ZNF43: variants seen among roughly 807,000 people sequenced by gnomAD.
The protein encoded by ZNF43 is zinc finger protein 43.
ZNF43 carries 44 observed loss-of-function variants against 68.4 expected under a neutral mutation model. That is an observed-to-expected ratio of 0.64 (90% CI 0.51 to 0.83). ZNF43 has a LOEUF of 0.83. Among genes scored for constraint, ZNF43 ranks in the 40% least tolerant of loss-of-function variants. The pLI is 0.00. For missense variants in ZNF43, 896 were observed against 933.2 expected, an observed-to-expected ratio of 0.96 and a Z score of 0.52; for synonymous variants, 308 against 307.8, an observed-to-expected ratio of 1.00 and a Z score of -0.01.
intron 3 of ZNF43, among the ~76,000 whole-genome samples, chr19:21,815,388 T>C (rs1195689714): frequency 1.3e-5 from 2 of 151,604 alleles, no homozygotes; most frequent in East Asian, 3.9e-4. Flanking sequence ...AAAGAAACTA[T>C]AGATAATTTT....
rs575206868 is a variant in ZNF43, at chr19:21,820,743, A to C, written c.4-1522T>G. On this transcript the variant is annotated intron_variant, in intron 1 of 3. Transcript: ENST00000354959. ...GCATCACTGCTGTGATATTGCCCCC[A>C]AAAAGTAAATTATAATCTAAATTTA... Among the ~76,000 whole-genome samples, 248 of 148,674 alleles carry C rather than the reference A, an allele frequency of 1.7e-3. 2 individuals carry two copies. The highest frequency in any genetic ancestry group is 5.4e-3 in the African/African-American group (219 of 40,450).
At chr19:21,814,503 G>T (rs1029781813) in intron 3 of ZNF43, among the ~76,000 whole-genome samples, 2 of 151,526 alleles carry the variant, frequency 1.3e-5, no homozygotes, top group Admixed American at 6.6e-5. Flanking sequence ...TCCACTTCCC[G>T]GGTTTGAGCG....
intron 2 of ZNF43, among the ~76,000 whole-genome samples, chr19:21,818,712 G>A (rs541281521): frequency 4.5e-4 from 68 of 152,254 alleles, no homozygotes; most frequent in African/African-American, 1.5e-3. Context: ...AAGCCACCAT[G>A]CCTGGCCTTT....
chr19:21,842,480 G>A (rs1416114135), intron 1 of ZNF43, among the ~76,000 whole-genome samples: 1 of 150,764 alleles, frequency 6.6e-6, no homozygotes, highest in Admixed American at 6.6e-5. Flanking sequence ...GTAGACGAGG[G>A]TCACATCACC....
At chr19:21,834,194 T>C (rs2038569522) in intron 1 of ZNF43, among the ~76,000 whole-genome samples, 1 of 150,828 alleles carries the variant, frequency 6.6e-6, no homozygotes, top group South Asian at 2.1e-4. Context: ...AAAAATTAGC[T>C]GGGAATGGTG....
At chr19:21,844,694 G>A (rs985764750) in intron 1 of ZNF43, among the ~76,000 whole-genome samples, 101 of 151,096 alleles carry the variant, frequency 6.7e-4, no homozygotes, top group African/African-American at 2.4e-3. Context: ...TCAGGAGATC[G>A]AGACCATCCT....
Position 21,808,055 on chromosome 19 carries a change from C to T in ZNF43, c.1982G>A (p.Trp661Ter), listed in dbSNP as rs2037045336. 6.3e-7 allele frequency: 1 copy of T among 1,592,834 alleles called. No individual in the cohort carries two copies. The highest frequency in any genetic ancestry group is 1.5e-5 in the African/African-American group (1 of 68,440). ...KCEECGKAFK[W>*]SSTLTKHKII... ...CTTATGTTTAGTAAGGGTTGAGGAC[C>T]ACTTAAAGGCTTTGCCACATTCTTC... Residue 661 changes from tryptophan (W) to a stop codon, truncating the protein, a stop_gained, in exon 4 of 4, where the codon TGG becomes TAG. Transcript: ENST00000354959. LOFTEE classifies it high-confidence loss of function.
At chr19:21,817,223 T>TAA (rs571622011) in intron 3 of ZNF43, among the ~76,000 whole-genome samples, 20 of 135,494 alleles carry the variant, frequency 1.5e-4, no homozygotes, top group African/African-American at 4.8e-4. Context: ...CCTCTGTCTT[T>TAA]AAAAAAAAAA....
intron 1 of ZNF43, among the ~76,000 whole-genome samples, chr19:21,823,110 T>TA (rs2037935496): frequency 6.6e-6 from 1 of 152,172 alleles, no homozygotes; most frequent in Non-Finnish European, 1.5e-5. Context: ...GTCAGAACAA[T>TA]ACAAAGAAAG....
At chr19:21,813,237 C>A (rs1289124762) in intron 3 of ZNF43, among the ~76,000 whole-genome samples, 2 of 149,324 alleles carry the variant, frequency 1.3e-5, no homozygotes, top group Admixed American at 6.7e-5. Flanking sequence ...GAGTGAAACT[C>A]TGTCTCCAAA....
At chr19:21,839,331 C>CAAAAAAAAAAAAAAAAAAAAAAAAAAAAA (rs61335194), upstream of ZNF43, among the ~76,000 whole-genome samples, 4 of 28,296 alleles carry the variant, frequency 1.4e-4, 1 homozygote, top group Admixed American at 4.8e-4. Flanking sequence ...AGAGATCAGG[C>CAAAAAAAAAAAAAAAAAAAAAAAAAAAAA]AAAAAAAAAA....
At chr19:21,851,969 A>G (rs753903958) in exon 1 of ZNF43, 21 of 1,537,388 alleles carry the variant, frequency 1.4e-5, no homozygotes, top group Non-Finnish European at 1.8e-5. Context: ...TGCAGATCAC[A>G]GGGTAACGGA....
At chr19:21,813,490 A>C (rs182895846) in intron 3 of ZNF43, among the ~76,000 whole-genome samples, 3 of 152,290 alleles carry the variant, frequency 2.0e-5, no homozygotes, top group Non-Finnish European at 4.4e-5. Context: ...TCAGCCTTCA[A>C]ATAGAAAATC....
intron 1 of ZNF43, among the ~76,000 whole-genome samples, chr19:21,822,730 A>G (rs1226112686): frequency 1.3e-5 from 2 of 152,040 alleles, no homozygotes; most frequent in Non-Finnish European, 2.9e-5. Context: ...ACGTGAACCC[A>G]GGAGGCGGAG....
chr19:21,830,487 C>T (rs2038371532), intron 1 of ZNF43, among the ~76,000 whole-genome samples: 1 of 150,984 alleles, frequency 6.6e-6, no homozygotes, highest in African/African-American at 2.4e-5. Context: ...GTAACGAACA[C>T]CTCTATGTAA....
Position 21,808,041 on chromosome 19 carries a change from T to C in ZNF43, c.1996A>G (p.Thr666Ala), listed in dbSNP as rs746926009. Residue 666 changes from threonine (T) to alanine (A), a missense_variant, in exon 4 of 4, where the codon ACT becomes GCT. Physicochemically the swap from Thr to Ala is moderately conservative, Grantham distance 58. Transcript: ENST00000354959. ...GKAFKWSSTL[T>A]KHKIIHTGEK... ...CCAGTATGAATTATCTTATGTTTAG[T>C]AAGGGTTGAGGACCACTTAAAGGCT... The C allele has an allele frequency of 4.3e-6, 7 of 1,612,968 alleles. No individual in the cohort carries two copies. The Admixed American group carries it at 1.2e-4, about 27-fold the overall frequency.
rs961717176 is a variant in ZNF43 at position 21,807,448 on chromosome 19, G to C, written c.*159C>G. The C allele has an allele frequency of 1.5e-6, 1 of 678,862 alleles. No individual in the cohort carries two copies. The highest frequency in any genetic ancestry group is 2.3e-6 in the Non-Finnish European group (1 of 438,100). The allele number at this position is 678,862 out of a possible 1,614,324, so 42.1% of individuals were successfully genotyped here. ...TTTTTCCAAGTAAAAATTCTTTCCT[G>C]TGCAATAAGGTACGAGCATTAATTA... On this transcript the variant is annotated 3_prime_UTR_variant, in exon 4 of 4. Coordinates refer to ENST00000354959, the MANE Select transcript of ZNF43 (RefSeq NM_003423.4).
upstream of ZNF43, chr19:21,840,223 C>CA (rs2145381615): frequency 6.6e-6 from 1 of 152,214 alleles, no homozygotes; most frequent in African/African-American, 2.4e-5. Flanking sequence ...AGTGCTGAGG[C>CA]AAAAGTACAG....
intron 1 of ZNF43, among the ~76,000 whole-genome samples, chr19:21,835,783 T>C (rs982817690): frequency 1.3e-5 from 2 of 152,146 alleles, no homozygotes; most frequent in Non-Finnish European, 2.9e-5. Flanking sequence ...CCTGCACAAT[T>C]TGGGAGAGAC....
Sources: allele counts gnomAD v4.1 joint callset (sites outside exome capture counted in the v4.1 genomes callset), GRCh38; gene constraint gnomAD v4.1.1; transcripts MANE v1.5; gene names NCBI Gene and HGNC (gene_info 2026-07-23, HGNC 2026-07-21).